The following WWOX variants were observed in gnomAD, a reference collection of about 807,000 sequenced individuals.
The protein encoded by WWOX is WW domain-containing oxidoreductase.
In WWOX, 69 loss-of-function variants were observed where a neutral mutation model predicts 46.2. The ratio of observed to expected loss-of-function variants is 1.49; its 90% CI spans 1.23 to 1.82. The LOEUF is 1.82. Among genes scored for constraint, WWOX ranks in the 40% most tolerant of loss-of-function variants. The pLI, the probability that WWOX is intolerant of heterozygous loss-of-function variation, is 0.00. For synonymous variants in WWOX, 359 were observed against 202.6 expected (o/e 1.77, Z -6.56); for missense variants, 919 against 542.6 (o/e 1.69, Z -6.89).
At chr16:78,100,493 G>T (rs1287110864) in intron 1 of WWOX, among the ~76,000 whole-genome samples, 2 of 152,174 alleles carry the variant, frequency 1.3e-5, no homozygotes, top group Non-Finnish European at 2.9e-5. Flanking sequence ...GGCTCAAGCA[G>T]GCCACCTGCC....
chr16:78,936,706 A>C (rs538262807), intron 8 of WWOX, among the ~76,000 whole-genome samples: 2 of 152,166 alleles, frequency 1.3e-5, no homozygotes, highest in Non-Finnish European at 2.9e-5. Flanking sequence ...ATTTCTGACA[A>C]CAGCTCAGCA....
intron 8 of WWOX, among the ~76,000 whole-genome samples, chr16:78,540,822 T>C (rs2043874500): frequency 6.6e-6 from 1 of 152,154 alleles, no homozygotes. Context: ...TAGATGGGAC[T>C]ACAGGCATGT....
chr16:78,999,458 G>A (rs554871085), intron 8 of WWOX, among the ~76,000 whole-genome samples: 4 of 152,248 alleles, frequency 2.6e-5, no homozygotes, highest in Non-Finnish European at 2.9e-5. Flanking sequence ...CAGCAGGAGC[G>A]AAACTCCTTC....
At chr16:78,593,701 A>G (rs1465431458) in intron 8 of WWOX, among the ~76,000 whole-genome samples, 1 of 150,012 alleles carries the variant, frequency 6.7e-6, no homozygotes, top group African/African-American at 2.5e-5. Flanking sequence ...CCAGCGTACA[A>G]CAGAGGAAAA....
At chr16:79,126,949 TGCCTAGAGAAGACAG>T (rs2049770555) in intron 8 of WWOX, among the ~76,000 whole-genome samples, 1 of 152,078 alleles carries the variant, frequency 6.6e-6, no homozygotes, top group African/African-American at 2.4e-5. Flanking sequence ...GTATCACAGT[TGCCTAGAGAAGACAG>T]AAAATAGGTG....
chr16:78,721,176 G>GC (rs1336866007), intron 8 of WWOX, among the ~76,000 whole-genome samples: 2 of 152,138 alleles, frequency 1.3e-5, no homozygotes, highest in Non-Finnish European at 2.9e-5. Flanking sequence ...ATTGGCAAGT[G>GC]CCATAAATAT....
intron 8 of WWOX, among the ~76,000 whole-genome samples, chr16:78,540,211 G>T (rs2043858510): frequency 6.6e-6 from 1 of 151,606 alleles, no homozygotes. Flanking sequence ...AATCTTGATG[G>T]GATTGATCTC....
At chr16:78,543,565 G>A (rs946731858) in intron 8 of WWOX, among the ~76,000 whole-genome samples, 1 of 152,214 alleles carries the variant, frequency 6.6e-6, no homozygotes, top group African/African-American at 2.4e-5. Flanking sequence ...GCCAAATTCT[G>A]TTTGAAGCAC....
At chr16:78,422,522 G>T (rs2082956404) in intron 6 of WWOX, among the ~76,000 whole-genome samples, 1 of 150,084 alleles carries the variant, frequency 6.7e-6, no homozygotes, top group African/African-American at 2.4e-5. Flanking sequence ...CTTTCGGGTG[G>T]TTGTTGTTGA....
intron 8 of WWOX, among the ~76,000 whole-genome samples, chr16:79,067,358 T>C (rs1567526954): frequency 6.6e-6 from 1 of 152,146 alleles, no homozygotes; most frequent in Non-Finnish European, 1.5e-5. Flanking sequence ...TGTTGTCTGC[T>C]CTCGCTCTCT....
intron 8 of WWOX, among the ~76,000 whole-genome samples, chr16:78,993,446 A>T (rs574474020): frequency 6.6e-6 from 1 of 152,194 alleles, no homozygotes; most frequent in Non-Finnish European, 1.5e-5. Context: ...GTGCGGCTGG[A>T]TAAGAGAAGA....
In WWOX at chr16:79,131,957, G is replaced by A. The variant is rs542084359; in HGVS notation, c.1057-79651G>A. ...TGTTTTTAAAACCATCAGATCTCAC[G>A]AGACTTATTCACTATCATGAGAATA... On this transcript the variant is annotated intron_variant, in intron 8 of 8. Coordinates refer to ENST00000566780, the MANE Select transcript of WWOX (RefSeq NM_016373.4). 6.3e-4 allele frequency among the ~76,000 whole-genome samples: 96 copies of A among 152,186 alleles called. 2 individuals are homozygous for A. In the South Asian group the frequency reaches 0.019, roughly 31 times the overall value.
chr16:79,143,257 A>C (rs1434470879), intron 8 of WWOX, among the ~76,000 whole-genome samples: 1 of 152,010 alleles, frequency 6.6e-6, no homozygotes, highest in Non-Finnish European at 1.5e-5. Context: ...CTTTCTCTAC[A>C]CTCTTTTTTG....
At chr16:78,950,084 C>G (rs2046027967) in intron 8 of WWOX, among the ~76,000 whole-genome samples, 1 of 152,288 alleles carries the variant, frequency 6.6e-6, no homozygotes, top group South Asian at 2.1e-4. Context: ...TACCAGAGAC[C>G]AAGTTCTCAA....
intron 8 of WWOX, among the ~76,000 whole-genome samples, chr16:78,910,522 A>C (rs1447575954): frequency 1.4e-5 from 2 of 144,402 alleles, no homozygotes; most frequent in Non-Finnish European, 3.0e-5. Context: ...TTTTTTTTTT[A>C]AATTAAGGAT....
chr16:78,523,790 C>T (rs1434591025), intron 8 of WWOX, among the ~76,000 whole-genome samples: 1 of 152,172 alleles, frequency 6.6e-6, no homozygotes, highest in African/African-American at 2.4e-5. Flanking sequence ...CCCTGGGGGC[C>T]TCTGGAACAG....
chr16:78,232,508 G>T (rs1258126683), intron 5 of WWOX, among the ~76,000 whole-genome samples: 2 of 152,084 alleles, frequency 1.3e-5, no homozygotes, highest in African/African-American at 4.8e-5. Flanking sequence ...GGTAAATCTT[G>T]GTAGATAAGG....
intron 8 of WWOX, among the ~76,000 whole-genome samples, chr16:78,960,350 G>A (rs750440039): frequency 3.9e-5 from 6 of 152,190 alleles, no homozygotes; most frequent in East Asian, 1.9e-4. Context: ...AACTAAGTCC[G>A]TGTTTGTTGC....
At chr16:78,363,384 C>A (rs1387239336) in intron 5 of WWOX, among the ~76,000 whole-genome samples, 2 of 152,044 alleles carry the variant, frequency 1.3e-5, no homozygotes, top group Non-Finnish European at 2.9e-5. Context: ...AGTGATTTTC[C>A]TTTCTCAGAC....
Sources: gnomAD v4.1 joint callset for allele counts (sites outside exome capture counted in the v4.1 genomes callset) on GRCh38, gnomAD v4.1.1 for gene constraint, MANE v1.5 for transcripts, NCBI Gene and HGNC (gene_info 2026-07-23, HGNC 2026-07-21) for gene names.